Variants in XPO4 observed in about 807,000 individuals in gnomAD.
XPO4 encodes exportin-4.
XPO4 carries 39 observed loss-of-function variants against 143.0 expected under a neutral mutation model. The ratio of observed to expected loss-of-function variants is 0.27; its 90% CI spans 0.21 to 0.36. The LOEUF (loss-of-function observed/expected upper bound fraction) is 0.36. Among genes scored for constraint, XPO4 ranks in the 10% least tolerant of loss-of-function variants. The pLI is 1.00. For missense variants in XPO4, 907 were observed against 1,348.0 expected, an observed-to-expected ratio of 0.67 and a Z score of 5.12; for synonymous variants, 439 against 474.0, an observed-to-expected ratio of 0.93 and a Z score of 0.96.
At position 20,799,245 on chromosome 13, in the gene XPO4, G is replaced by C. The variant is rs1232522931; in HGVS notation, c.2242C>G (p.Gln748Glu). The change falls in exon 16 of 23, where the codon CAG (glutamine) becomes GAG (glutamate). Residue 748 changes from glutamine to glutamate, a missense_variant. Physicochemically the swap from Gln to Glu is conservative, Grantham distance 29 (BLOSUM62 2). Transcript: ENST00000255305. ...ACTAGAGCCTTCATCAATGTCCTCT[G>C]CACAGGACTTGACAAGAAATTAAGA... The part of the protein sequence containing the change: ...PPLNFLSSPV[Q>E]RTLMKALVLG... The C allele has an allele frequency of 1.2e-6, 2 of 1,613,960 alleles. No homozygotes were observed. The highest frequency in any genetic ancestry group is 2.2e-5 in the East Asian group (1 of 44,872).
At chr13:20,887,737 T>C (rs975037180) in intron 1 of XPO4, among the ~76,000 whole-genome samples, 4 of 152,094 alleles carry the variant, frequency 2.6e-5, no homozygotes, top group Non-Finnish European at 5.9e-5. Flanking sequence ...GGTGCACACC[T>C]GTAGTCCCAG....
At chr13:20,852,051 C>T (rs995651757) in intron 4 of XPO4, 5 of 985,272 alleles carry the variant, frequency 5.1e-6, no homozygotes, top group South Asian at 4.7e-5. Flanking sequence ...CTTGACCCTT[C>T]GCCTGCGCCG....
At chr13:20,847,868 T>C (rs2060043570) in intron 4 of XPO4, among the ~76,000 whole-genome samples, 1 of 152,224 alleles carries the variant, frequency 6.6e-6, no homozygotes, top group Non-Finnish European at 1.5e-5. Flanking sequence ...ACTTCACTTA[T>C]CTAAGATCAT....
At chr13:20,877,308 A>G (rs2060362057) in intron 1 of XPO4, among the ~76,000 whole-genome samples, 1 of 152,238 alleles carries the variant, frequency 6.6e-6, no homozygotes, top group Admixed American at 6.5e-5. Flanking sequence ...TTATTTGCTC[A>G]GCAGCAATGC....
At chr13:20,868,113 C>A (rs1176020912) in intron 2 of XPO4, among the ~76,000 whole-genome samples, 1 of 151,260 alleles carries the variant, frequency 6.6e-6, no homozygotes, top group African/African-American at 2.4e-5. Context: ...TACAGTGATA[C>A]CCTACGCAGA....
chr13:20,852,700 A>T, intron 4 of XPO4: 1 of 978,920 alleles, frequency 1.0e-6, no homozygotes, highest in Non-Finnish European at 1.2e-6. Context: ...CAAATGAGAA[A>T]GCAAGGTACA....
intron 16 of XPO4, among the ~76,000 whole-genome samples, chr13:20,798,575 T>G (rs1480791764): frequency 6.6e-6 from 1 of 152,220 alleles, no homozygotes; most frequent in African/African-American, 2.4e-5. Context: ...GTCCATGCTC[T>G]CGACTGAGTT....
chr13:20,843,071 A>G, intron 5 of XPO4, 23 bp from the exon 6 acceptor site: 1 of 1,561,760 alleles, frequency 6.4e-7, no homozygotes, highest in Non-Finnish European at 8.7e-7. Flanking sequence ...AATCACAAAT[A>G]TTTTATATGA....
chr13:20,898,856 T>A (rs977049178), intron 1 of XPO4, among the ~76,000 whole-genome samples: 10 of 152,092 alleles, frequency 6.6e-5, no homozygotes, highest in African/African-American at 1.9e-4. Context: ...TGTGCATAGG[T>A]CATACACAAT....
At chr13:20,884,091 A>G (rs1334332289) in intron 1 of XPO4, among the ~76,000 whole-genome samples, 1 of 152,142 alleles carries the variant, frequency 6.6e-6, no homozygotes, top group Non-Finnish European at 1.5e-5. Context: ...TACGTTCACT[A>G]AGGCCAGGTG....
chr13:20,885,971 A>G (rs184689205), intron 1 of XPO4, among the ~76,000 whole-genome samples: 39 of 152,370 alleles, frequency 2.6e-4, no homozygotes, highest in Non-Finnish European at 5.1e-4. Context: ...AATACAATTT[A>G]TACGTACAAA....
intron 2 of XPO4, among the ~76,000 whole-genome samples, chr13:20,864,771 C>T (rs1182652090): frequency 1.3e-5 from 2 of 151,716 alleles, no homozygotes; most frequent in Admixed American, 1.3e-4. Flanking sequence ...ATTTTCAAGA[C>T]ACAAAAGTTT....
At chr13:20,888,462 C>T (rs952116790) in intron 1 of XPO4, among the ~76,000 whole-genome samples, 1 of 152,098 alleles carries the variant, frequency 6.6e-6, no homozygotes, top group African/African-American at 2.4e-5. Flanking sequence ...TGGATGCTCC[C>T]ACTTCAGCCT....
intron 1 of XPO4, chr13:20,879,396 G>T (rs1052596902): frequency 1.2e-6 from 1 of 844,268 alleles, no homozygotes; most frequent in Non-Finnish European, 1.4e-6. Flanking sequence ...TTCAGACAAT[G>T]AATACCCACA....
intron 16 of XPO4, among the ~76,000 whole-genome samples, chr13:20,798,738 C>T (rs1295473178): frequency 1.3e-5 from 2 of 151,960 alleles, no homozygotes; most frequent in South Asian, 2.1e-4. Context: ...ATGACTGGGC[C>T]GGGCACAGTG....
At chr13:20,851,385 C>G (rs2060084390) in intron 4 of XPO4, 1 of 985,184 alleles carries the variant, frequency 1.0e-6, no homozygotes, top group South Asian at 4.7e-5. Flanking sequence ...ATACTGATTT[C>G]CTACTATTAC....
At chr13:20,807,674 T>G (rs758376431) in intron 12 of XPO4, 40 bp from the exon 13 acceptor site, 2 of 1,437,914 alleles carry the variant, frequency 1.4e-6, no homozygotes, top group South Asian at 1.4e-5. Flanking sequence ...ACTTAACAAA[T>G]CTACATTTAT....
rs78752052 is a variant in XPO4, at chr13:20,859,627, A to C, written c.317+3090T>G. ...AAAACAAACCAAAAAAAATACAAAA[A>C]TTAGCTGGGTGTGGTGGCACGCACC... On this transcript the variant is annotated intron_variant, in intron 3 of 22. Transcript: ENST00000255305. Among the ~76,000 whole-genome samples the C allele has an allele frequency of 8.2e-3, 1,240 of 151,550 alleles. 16 individuals carry two copies. Among genetic ancestry groups the C allele is most frequent in the East Asian group, 0.049 (250 of 5,116 alleles).
At chr13:20,888,657 T>C (rs1021752944) in intron 1 of XPO4, among the ~76,000 whole-genome samples, 3 of 151,830 alleles carry the variant, frequency 2.0e-5, no homozygotes, top group South Asian at 2.1e-4. Flanking sequence ...GCACCCAGTC[T>C]GGTGGTCTTT....
Sources: gnomAD v4.1 joint callset for allele counts (sites outside exome capture counted in the v4.1 genomes callset) on GRCh38, gnomAD v4.1.1 for gene constraint, MANE v1.5 for transcripts, NCBI Gene and HGNC (gene_info 2026-07-23, HGNC 2026-07-21) for gene names.